The following TBC1D1 variants were observed in gnomAD, a reference collection of about 807,000 sequenced individuals.
The protein encoded by TBC1D1 is TBC1 domain family member 1.
A neutral mutation model predicts 125.6 loss-of-function variants in TBC1D1; 89 were observed. That is an observed-to-expected ratio of 0.71 (90% CI 0.60 to 0.85). The LOEUF is 0.85. TBC1D1 is among the 40% of genes least tolerant of loss of function. TBC1D1 has a pLI of 0.00. For synonymous variants in TBC1D1, 565 were observed against 564.1 expected, an observed-to-expected ratio of 1.00 and a Z score of -0.02; for missense variants, 1,377 against 1,469.2, an observed-to-expected ratio of 0.94 and a Z score of 1.03.
rs1457931545 is a variant in TBC1D1, at chr4:37,995,748, G to A, written c.418-18761G>A. 9.4e-6 allele frequency: 5 copies of A among 530,094 alleles called. No individual in the cohort carries two copies. The East Asian group carries it at 2.1e-4, about 22-fold the overall frequency. The allele number at this position is 530,094 out of a possible 1,614,324, so 32.8% of individuals were successfully genotyped here. A position where few individuals can be genotyped will look rare whatever the true frequency, so the allele number is the denominator to read the frequency against. ...TGGTTGTCTGGACGGCTTGCACTTT[G>A]GTCTTAACTGCATTCACCCTCTCCA... On this transcript the variant is annotated intron_variant, in intron 2 of 19. Transcript: ENST00000261439. The surrounding 1 kb of genome is among the most constrained non-coding windows in gnomAD (Gnocchi z 4.3).
intron 2 of TBC1D1, among the ~76,000 whole-genome samples, chr4:37,924,523 A>G (rs949223077): frequency 3.9e-5 from 6 of 152,226 alleles, no homozygotes; most frequent in Non-Finnish European, 7.3e-5. Context: ...GCCATTAAAA[A>G]TAACTCCTCA....
intron 11 of TBC1D1, 50 bp from the exon 13 acceptor site, chr4:38,053,056 G>T (rs770929180): frequency 1.2e-5 from 15 of 1,261,078 alleles, no homozygotes; most frequent in Non-Finnish European, 1.5e-5. Context: ...TTTATACTTT[G>T]TGTTTTTATG....
chr4:38,124,924 G>A, intron 17 of TBC1D1, 38 bp from the exon 20 acceptor site: 1 of 1,587,502 alleles, frequency 6.3e-7, no homozygotes, highest in Non-Finnish European at 8.6e-7. Context: ...GTGAGAAACT[G>A]GTCTGGTTTA....
At position 38,030,820 on chromosome 4, in the gene TBC1D1, C is replaced by T. The variant is rs762105137; in HGVS notation, c.1302+2941C>T. Among the ~76,000 whole-genome samples, 10 of 152,140 alleles carry T rather than the reference C, an allele frequency of 6.6e-5. No individual in the cohort carries two copies. In the South Asian group the frequency reaches 8.3e-4, roughly 13 times the overall value. On this transcript the variant is annotated intron_variant, in intron 7 of 19. Transcript: ENST00000261439. ...GTAATTACCGTTGAAATTAATGGTA[C>T]GTGATTACTTAGTTATTAAAACATA...
At chr4:38,051,848 G>C (rs562977596) in intron 11 of TBC1D1, 51 bp from the exon 12 acceptor site, 2 of 1,523,056 alleles carry the variant, frequency 1.3e-6, no homozygotes, top group African/African-American at 2.8e-5. Context: ...TGTCCCTGTC[G>C]GCGCCCCCTC....
chr4:38,057,585 G>T (rs199795297), intron 12 of TBC1D1, among the ~76,000 whole-genome samples: 10 of 152,250 alleles, frequency 6.6e-5, no homozygotes, highest in Admixed American at 6.5e-5. Flanking sequence ...CTGAATTTCT[G>T]AATAACATTG....
At chr4:38,009,413 T>C (rs1046464023) in intron 2 of TBC1D1, among the ~76,000 whole-genome samples, 15 of 152,152 alleles carry the variant, frequency 9.9e-5, no homozygotes, top group African/African-American at 3.6e-4. Flanking sequence ...TTCTTACTTG[T>C]TGACAGAAAA....
At chr4:37,970,278 A>C (rs1731779453) in intron 2 of TBC1D1, among the ~76,000 whole-genome samples, 1 of 152,130 alleles carries the variant, frequency 6.6e-6, no homozygotes, top group South Asian at 2.1e-4. Flanking sequence ...GATTTTCAGG[A>C]TTTGGTATTA....
chr4:38,057,319 C>T (rs1390000934), intron 12 of TBC1D1, among the ~76,000 whole-genome samples: 1 of 152,202 alleles, frequency 6.6e-6, no homozygotes, highest in Admixed American at 6.5e-5. Context: ...TCAGTATCCC[C>T]ATGGCTCCCT....
intron 14 of TBC1D1, 77 bp downstream of exon 16, chr4:38,096,167 G>A (rs1759301361): frequency 3.1e-6 from 4 of 1,299,580 alleles, no homozygotes; most frequent in Non-Finnish European, 4.3e-6. Flanking sequence ...TTAAAAAAAA[G>A]TCAAGTCTAA....
chr4:38,006,700 C>T lies in TBC1D1; in HGVS notation c.418-7809C>T, dbSNP rs554757147. The stretch of plus-strand genomic sequence containing the variant: ...TTCACCATGTTAGCCAGGATGGGCT[C>T]AATCTCCTGACCTTGTGATCCGCCC... On this transcript the variant is annotated intron_variant, in intron 2 of 19. Coordinates refer to ENST00000261439, the MANE Select transcript of TBC1D1 (RefSeq NM_015173.4). 101 of 311,794 alleles carry T rather than the reference C, an allele frequency of 3.2e-4. 2 individuals are homozygous for T. Among genetic ancestry groups the T allele is most frequent in the South Asian group, 2.9e-3 (94 of 32,156 alleles). The allele number at this position is 311,794 out of a possible 1,614,324, so 19.3% of individuals were successfully genotyped here. A position where few individuals can be genotyped will look rare whatever the true frequency, so the allele number is the denominator to read the frequency against.
chr4:37,947,875 C>G (rs1204470660), intron 2 of TBC1D1, among the ~76,000 whole-genome samples: 3 of 150,848 alleles, frequency 2.0e-5, no homozygotes, highest in Non-Finnish European at 2.9e-5. Flanking sequence ...CACAAGTGGA[C>G]AGTTCATTGT....
At chr4:37,922,413 G>C (rs1721200168) in intron 2 of TBC1D1, among the ~76,000 whole-genome samples, 1 of 152,164 alleles carries the variant, frequency 6.6e-6, no homozygotes, top group Admixed American at 6.5e-5. Flanking sequence ...CTACAAGGTG[G>C]AGACACTGGG....
At chr4:38,066,994 A>G (rs1014877366) in intron 12 of TBC1D1, among the ~76,000 whole-genome samples, 6 of 151,944 alleles carry the variant, frequency 3.9e-5, no homozygotes, top group African/African-American at 1.5e-4. Context: ...CTCCTGCCTC[A>G]GCCTCCCGAG....
chr4:38,061,022 A>G (rs1193305880), intron 12 of TBC1D1, among the ~76,000 whole-genome samples: 1 of 152,234 alleles, frequency 6.6e-6, no homozygotes, highest in Non-Finnish European at 1.5e-5. Context: ...AATAAGTCTG[A>G]GTCATCAGGG....
intron 2 of TBC1D1, among the ~76,000 whole-genome samples, chr4:37,965,045 G>A (rs1431642284): frequency 6.6e-6 from 1 of 152,250 alleles, no homozygotes; most frequent in East Asian, 1.9e-4. Context: ...CGCAGACACT[G>A]CTCCACTGTG....
chr4:38,091,648 A>C (rs549492560), intron 13 of TBC1D1, among the ~76,000 whole-genome samples: 1 of 152,364 alleles, frequency 6.6e-6, no homozygotes, highest in South Asian at 2.1e-4. Context: ...CATAGCTATA[A>C]AATGGGAACG....
chr4:38,065,331 G>A (rs1169482695), intron 12 of TBC1D1, among the ~76,000 whole-genome samples: 1 of 152,094 alleles, frequency 6.6e-6, no homozygotes, highest in East Asian at 1.9e-4. Context: ...CAGTTACTGG[G>A]TTACGCCCCC....
At chr4:38,127,064 C>T (rs994665547) in intron 18 of TBC1D1, among the ~76,000 whole-genome samples, 8 of 151,962 alleles carry the variant, frequency 5.3e-5, no homozygotes, top group Non-Finnish European at 1.2e-4. Flanking sequence ...GGCAGACCCC[C>T]GAGAGCCTTG....
Sources: allele counts gnomAD v4.1 joint callset (sites outside exome capture counted in the v4.1 genomes callset), GRCh38; gene constraint gnomAD v4.1.1; non-coding constraint Gnocchi (gnomAD v3.1); transcripts MANE v1.5; gene names NCBI Gene and HGNC (gene_info 2026-07-23, HGNC 2026-07-21).